The following ADAM2 variants were observed in gnomAD, a reference collection of about 807,000 sequenced individuals.
ADAM2 encodes disintegrin and metalloproteinase domain-containing protein 2.
A neutral mutation model predicts 99.3 loss-of-function variants in ADAM2; 101 were observed. The observed-to-expected ratio is 1.02, with a 90% CI of 0.87 to 1.20. The LOEUF is 1.20. Ranked by LOEUF, ADAM2 falls within the 50% of genes most tolerant of loss-of-function variation. ADAM2 has a pLI of 0.00. For missense variants in ADAM2, 948 were observed against 878.7 expected, an observed-to-expected ratio of 1.08 and a Z score of -1.00; for synonymous variants, 323 against 287.6, an observed-to-expected ratio of 1.12 and a Z score of -1.25.
At chr8:39,760,349 C>A (rs569863099) in intron 15 of ADAM2, among the ~76,000 whole-genome samples, 22 of 151,986 alleles carry the variant, frequency 1.4e-4, no homozygotes, top group Non-Finnish European at 2.5e-4. Context: ...GAAATACGTG[C>A]CTGAGGTCAC....
intron 7 of ADAM2, among the ~76,000 whole-genome samples, chr8:39,796,727 C>T (rs574080339): frequency 7.2e-5 from 11 of 152,226 alleles, no homozygotes; most frequent in South Asian, 4.1e-4. Flanking sequence ...TTTTAATAAT[C>T]GCCATTCTGA....
rs550727477 is a variant in ADAM2 at position 39,769,332 on chromosome 8, C to T, written c.1212+60G>A. 5.0e-4 allele frequency: 673 copies of T among 1,352,534 alleles called. 1 individual carries two copies. The highest frequency in any genetic ancestry group is 1.5e-3 in the South Asian group (113 of 77,318). 83.8% of individuals were successfully genotyped at this position (1,352,534 alleles called of 1,614,324 possible). On this transcript the variant is annotated intron_variant, in intron 12 of 20. Coordinates refer to ENST00000265708, the MANE Select transcript of ADAM2 (RefSeq NM_001464.5). ...TTAAGGAAAATGGCAGTTTCTCACT[C>T]GAATTAATAAGTAATTTTTGCTGCA...
At chr8:39,784,413 C>T (rs1238157099) in intron 10 of ADAM2, among the ~76,000 whole-genome samples, 2 of 152,148 alleles carry the variant, frequency 1.3e-5, no homozygotes, top group African/African-American at 4.8e-5. Flanking sequence ...TGGAGTCTTG[C>T]TCTGTTGCCC....
At chr8:39,764,181 G>A (rs1407997128) in intron 14 of ADAM2, among the ~76,000 whole-genome samples, 1 of 152,114 alleles carries the variant, frequency 6.6e-6, no homozygotes, top group African/African-American at 2.4e-5. Context: ...CAAGGCAGGA[G>A]GATTACTTGA....
intron 7 of ADAM2, among the ~76,000 whole-genome samples, chr8:39,789,394 T>G (rs993049952): frequency 6.6e-6 from 1 of 151,822 alleles, no homozygotes; most frequent in African/African-American, 2.4e-5. Context: ...CTATAGCACA[T>G]TTCACTACAA....
chr8:39,767,044 C>T lies in ADAM2; in HGVS notation c.1312-1G>A. On this transcript the variant is annotated splice_acceptor_variant, in intron 13 of 20. Coordinates refer to ENST00000265708, the MANE Select transcript of ADAM2 (RefSeq NM_001464.5). LOFTEE classifies it high-confidence loss of function. ...TACACATTCTTTCTTTTGACATAAA[C>T]TGATGGGATGAGGTAAATGATATTG... 6.2e-7 allele frequency: 1 copy of T among 1,613,060 alleles called. No homozygotes were observed. Among genetic ancestry groups the T allele is most frequent in the Non-Finnish European group, 8.5e-7 (1 of 1,179,124 alleles).
intron 10 of ADAM2, among the ~76,000 whole-genome samples, chr8:39,783,551 C>T (rs141854733): frequency 1.3e-5 from 2 of 152,236 alleles, no homozygotes; most frequent in African/African-American, 4.8e-5. Flanking sequence ...AATTGTCTCC[C>T]TCCCACTCCA....
At chr8:39,826,287 G>T (rs980651838) in intron 3 of ADAM2, among the ~76,000 whole-genome samples, 1 of 152,114 alleles carries the variant, frequency 6.6e-6, no homozygotes, top group South Asian at 2.1e-4. Context: ...ATAAAACAAC[G>T]CATTTACAGT....
intron 15 of ADAM2, among the ~76,000 whole-genome samples, chr8:39,757,461 A>AAT (rs1263792640): frequency 6.6e-6 from 1 of 152,232 alleles, no homozygotes; most frequent in African/African-American, 2.4e-5. Context: ...TAGCTTGAAT[A>AAT]ATCCCAGGAC....
intron 6 of ADAM2, 65 bp from the exon 7 acceptor site, chr8:39,809,531 A>G (rs1223575602): frequency 1.4e-6 from 1 of 738,018 alleles, no homozygotes; most frequent in East Asian, 2.6e-5. Flanking sequence ...AGTGCATGTC[A>G]CTACTATTAA....
At chr8:39,770,692 CTG>C (rs1295296311) in intron 11 of ADAM2, among the ~76,000 whole-genome samples, 1 of 152,190 alleles carries the variant, frequency 6.6e-6, no homozygotes, top group Non-Finnish European at 1.5e-5. Flanking sequence ...GTACTAAAAA[CTG>C]TGCCTATCCA....
chr8:39,807,963 G>A (rs1804508291), intron 7 of ADAM2, among the ~76,000 whole-genome samples: 1 of 152,068 alleles, frequency 6.6e-6, no homozygotes, highest in Non-Finnish European at 1.5e-5. Flanking sequence ...CAACACAGCA[G>A]CTAATATTTA....
chr8:39,775,382 A>G (rs1023028132), intron 11 of ADAM2, among the ~76,000 whole-genome samples: 17 of 152,106 alleles, frequency 1.1e-4, no homozygotes, highest in Admixed American at 1.1e-3. Context: ...TTAAATGTCC[A>G]GTTTTATAGC....
intron 14 of ADAM2, 137 bp downstream of exon 14, chr8:39,766,711 T>A (rs1586068229): frequency 2.7e-6 from 2 of 748,336 alleles, no homozygotes; most frequent in East Asian, 5.6e-5. Flanking sequence ...CCTGGCCGTA[T>A]TCTTCTCTTT....
At chr8:39,798,626 C>T (rs144513889) in intron 7 of ADAM2, among the ~76,000 whole-genome samples, 1 of 152,274 alleles carries the variant, frequency 6.6e-6, no homozygotes, top group East Asian at 1.9e-4. Flanking sequence ...ACCAGCTCCT[C>T]TTTGTATTTC....
rs576228322 is a variant in ADAM2, at chr8:39,777,101, T to C, written c.952A>G (p.Ser318Gly). The C allele has an allele frequency of 1.2e-6, 2 of 1,608,218 alleles. No individual in the cohort carries two copies. Among genetic ancestry groups the C allele is most frequent in the African/African-American group, 2.7e-5 (2 of 74,768 alleles). The change falls in exon 11 of 21, where the codon AGT becomes GGT. Residue 318 changes from serine (S) to glycine (G), a missense_variant. Ser to Gly is a moderately conservative substitution (Grantham distance 56, BLOSUM62 0). Coordinates refer to ENST00000265708, the MANE Select transcript of ADAM2 (RefSeq NM_001464.5). ...AVILAQLLSL[S>G]MGITYDDINK... Reference sequence around the variant, plus strand: ...ATGTCATCATAAGTGATCCCCATACTAAGGCTCAATAATTGAGCTAAAATA... The same window carrying C: ...ATGTCATCATAAGTGATCCCCATACCAAGGCTCAATAATTGAGCTAAAATA...
intron 10 of ADAM2, among the ~76,000 whole-genome samples, chr8:39,784,661 C>A (rs1173925825): frequency 1.3e-5 from 2 of 152,168 alleles, no homozygotes; most frequent in South Asian, 4.1e-4. Flanking sequence ...CTTGCACTCT[C>A]CATGGGAGAG....
At chr8:39,763,791 G>A (rs188926681) in intron 14 of ADAM2, among the ~76,000 whole-genome samples, 312 of 152,258 alleles carry the variant, frequency 2.0e-3, no homozygotes, top group African/African-American at 7.1e-3. Context: ...AATCTGAACC[G>A]GTTCACTGAC....
intron 16 of ADAM2, among the ~76,000 whole-genome samples, chr8:39,752,680 G>T (rs1034986936): frequency 3.3e-5 from 5 of 152,164 alleles, no homozygotes; most frequent in African/African-American, 9.7e-5. Flanking sequence ...CCACAATAAC[G>T]ACAGTGTCAT....
Sources: allele counts gnomAD v4.1 joint callset (sites outside exome capture counted in the v4.1 genomes callset), GRCh38; gene constraint gnomAD v4.1.1; transcripts MANE v1.5; gene names NCBI Gene and HGNC (gene_info 2026-07-23, HGNC 2026-07-21).